Variants in NXN observed in about 807,000 individuals in gnomAD.
NXN encodes the protein nucleoredoxin 1.
In NXN, 16 loss-of-function variants were observed where a neutral mutation model predicts 48.6. That is an observed-to-expected ratio of 0.33 (90% CI 0.22 to 0.50). The LOEUF (loss-of-function observed/expected upper bound fraction) is 0.50. Among genes scored for constraint, NXN ranks in the 20% least tolerant of loss-of-function variants. The probability of loss-of-function intolerance (pLI) is 0.98; values close to 1 mark genes in which losing one functional copy is unlikely to be tolerated. For synonymous variants in NXN, 281 were observed against 269.6 expected (o/e 1.04, Z -0.41); for missense variants, 492 against 605.5 (o/e 0.81, Z 1.97).
Position 876,234 on chromosome 17 carries a change from A to G in NXN, c.361-50156T>C, listed in dbSNP as rs543578725. Among the ~76,000 whole-genome samples, 4 of 145,968 alleles carry G rather than the reference A, an allele frequency of 2.7e-5. No individual in the cohort carries two copies. The South Asian group carries it at 9.4e-4, about 34-fold the overall frequency. ...AAAAGAAAAGAGAAAGAAAGAAAGA[A>G]AGGAGAAGAGAAGAGAAGAAAAGAA... On this transcript the variant is annotated intron_variant, in intron 1 of 7. Coordinates refer to ENST00000336868, the MANE Select transcript of NXN (RefSeq NM_022463.5).
At chr17:801,354 T>C (rs1487596579) in intron 7 of NXN, among the ~76,000 whole-genome samples, 1 of 151,904 alleles carries the variant, frequency 6.6e-6, no homozygotes, top group Admixed American at 6.6e-5. Flanking sequence ...TGCAAACCAC[T>C]AGGTAAGTCG....
At chr17:839,540 G>T (rs1323752510) in intron 1 of NXN, among the ~76,000 whole-genome samples, 1 of 151,938 alleles carries the variant, frequency 6.6e-6, no homozygotes, top group African/African-American at 2.4e-5. Context: ...GGTATGCACG[G>T]CAGCTCACGC....
At position 816,023 on chromosome 17, in the gene NXN, T is replaced by C. The variant is rs73975542; in HGVS notation, c.820+3416A>G. Among the ~76,000 whole-genome samples the C allele has an allele frequency of 7.9e-3, 1,199 of 152,186 alleles. 16 individuals are homozygous for C. The highest frequency in any genetic ancestry group is 0.028 in the African/African-American group (1,144 of 41,528). On this transcript the variant is annotated intron_variant, in intron 5 of 7. Coordinates refer to ENST00000336868, the MANE Select transcript of NXN (RefSeq NM_022463.5). The stretch of plus-strand genomic sequence containing the variant: ...AGAAGAAACCCAGGATATCTCTGTA[T>C]GGAGAAAGGATGGAAAATCCACAGC...
chr17:939,403 T>A (rs926792174), intron 1 of NXN, among the ~76,000 whole-genome samples: 1 of 149,962 alleles, frequency 6.7e-6, no homozygotes, highest in South Asian at 2.1e-4. Flanking sequence ...TGGAGTGCAG[T>A]GGCACCATCT....
intron 1 of NXN, among the ~76,000 whole-genome samples, 191 bp from the exon 2 acceptor site, chr17:826,269 C>T (rs1335506877): frequency 6.6e-6 from 1 of 152,088 alleles, no homozygotes; most frequent in Non-Finnish European, 1.5e-5. Context: ...CCCCCGGGGT[C>T]TGTGACAGTG....
intron 1 of NXN, among the ~76,000 whole-genome samples, chr17:915,596 A>C (rs1271575498): frequency 6.6e-6 from 1 of 152,168 alleles, no homozygotes; most frequent in Non-Finnish European, 1.5e-5. Context: ...CTAGGAAATT[A>C]TTTCTAAGAA....
At position 932,400 on chromosome 17, in the gene NXN, TG is replaced by T. The variant is rs2068864035; in HGVS notation, c.360+46918del. On this transcript the variant is annotated intron_variant, in intron 1 of 7. Coordinates refer to ENST00000336868, the MANE Select transcript of NXN (RefSeq NM_022463.5). The surrounding 1 kb of genome is among the most constrained non-coding windows in gnomAD (Gnocchi z 4.1). ...ACCTACCAAGTCAAGAACTCTGGGA[TG>T]GGGCCCAGGAATCCGCATTTAACCA... Among the ~76,000 whole-genome samples the T allele has an allele frequency of 6.6e-6, 1 of 152,158 alleles. No individual in the cohort carries two copies. Among genetic ancestry groups the T allele is most frequent in the African/African-American group, 2.4e-5 (1 of 41,446 alleles).
At position 825,487 on chromosome 17, in the gene NXN, C is replaced by T. The variant is rs972903972; in HGVS notation, c.478+474G>A. 1 of 162,504 alleles carries T rather than the reference C, an allele frequency of 6.2e-6. No homozygotes were observed. Among genetic ancestry groups the T allele is most frequent in the Non-Finnish European group, 1.4e-5 (1 of 73,598 alleles). The allele number at this position is 162,504 out of a possible 1,614,324, so 10.1% of individuals were successfully genotyped here. ...ACGCGTAGCCAGCAAGACCAAGGCC[C>T]GCAGGGAGTGACAGCTCCAAGCAAC... is the stretch of plus-strand genomic sequence containing the variant. On this transcript the variant is annotated intron_variant, in intron 2 of 7. Transcript: ENST00000336868. This position sits in a 1 kb window ranked among gnomAD's most constrained non-coding sequence, Gnocchi z 4.1.
Position 920,531 on chromosome 17 carries a change from C to T in NXN, c.360+58788G>A, listed in dbSNP as rs1165192572. ...TCACCAGCTCACTCCAGCTCTGCAG[C>T]GTTCTCCCAGGCTCTCAACCCTCGA... On this transcript the variant is annotated intron_variant, in intron 1 of 7. Transcript: ENST00000336868. This position sits in a 1 kb window ranked among gnomAD's most constrained non-coding sequence, Gnocchi z 4.6. 5.2e-4 allele frequency among the ~76,000 whole-genome samples: 79 copies of T among 152,072 alleles called. No individual in the cohort carries two copies. Among genetic ancestry groups the T allele is most frequent in the Admixed American group, 1.8e-3 (28 of 15,252 alleles).
At chr17:852,896 A>G (rs2067939878) in intron 1 of NXN, among the ~76,000 whole-genome samples, 1 of 152,164 alleles carries the variant, frequency 6.6e-6, no homozygotes. Context: ...GACACCTCAG[A>G]GTCCCAGGGA....
intron 1 of NXN, among the ~76,000 whole-genome samples, chr17:843,281 C>T (rs1411542779): frequency 6.6e-6 from 1 of 152,246 alleles, no homozygotes; most frequent in Non-Finnish European, 1.5e-5. Context: ...ATCTGTAACA[C>T]CAATTAAGGA....
chr17:859,710 C>G (rs918605360), intron 1 of NXN, among the ~76,000 whole-genome samples: 16 of 152,186 alleles, frequency 1.1e-4, no homozygotes, highest in Non-Finnish European at 1.6e-4. Flanking sequence ...TCCCATCAAA[C>G]GCGATTCAAT....
At position 825,724 on chromosome 17, in the gene NXN, C is replaced by T. The variant is rs1474554511; in HGVS notation, c.478+237G>A. ...CGGAGCTTCTTACGGCAGAGTCCAT[C>T]TCTTTTGGCCCATGAATTAAAGCCC... On this transcript the variant is annotated intron_variant, in intron 2 of 7. Coordinates refer to ENST00000336868, the MANE Select transcript of NXN (RefSeq NM_022463.5). This position sits in a 1 kb window ranked among gnomAD's most constrained non-coding sequence, Gnocchi z 4.1. The T allele has an allele frequency of 2.2e-6, 1 of 444,662 alleles. No homozygotes were observed. Among genetic ancestry groups the T allele is most frequent in the Non-Finnish European group, 4.0e-6 (1 of 251,102 alleles). The allele number at this position is 444,662 out of a possible 1,614,324, so 27.5% of individuals were successfully genotyped here. A position where few individuals can be genotyped will look rare whatever the true frequency, so the allele number is the denominator to read the frequency against.
chr17:934,088 A>G (rs2068880457), intron 1 of NXN, among the ~76,000 whole-genome samples: 1 of 152,164 alleles, frequency 6.6e-6, no homozygotes, highest in Admixed American at 6.5e-5. Flanking sequence ...ATACATGCAG[A>G]CTATGGGGAA....
intron 5 of NXN, among the ~76,000 whole-genome samples, chr17:805,773 G>C (rs931240453): frequency 1.4e-4 from 22 of 152,274 alleles, no homozygotes; most frequent in Admixed American, 1.3e-3. Flanking sequence ...GGGAGGTGGA[G>C]GTTGCAGTGA....
chr17:839,244 G>A (rs1914001730), intron 1 of NXN, among the ~76,000 whole-genome samples: 1 of 151,906 alleles, frequency 6.6e-6, no homozygotes. Context: ...AGACCAGTGT[G>A]GCCAACATGG....
intron 1 of NXN, among the ~76,000 whole-genome samples, chr17:854,768 A>G (rs1399154509): frequency 2.6e-5 from 4 of 151,418 alleles, no homozygotes; most frequent in Non-Finnish European, 5.9e-5. Flanking sequence ...AGACCAGCCT[A>G]GCCAACATGG....
chr17:881,787 G>C lies in NXN; in HGVS notation c.361-55709C>G, dbSNP rs77672918. ...TGGGACACTTCTCAGCAATAAGAAG[G>C]AACAAACTGATGTATACAAAAACAA... On this transcript the variant is annotated intron_variant, in intron 1 of 7. Transcript: ENST00000336868. Among the ~76,000 whole-genome samples the C allele has an allele frequency of 3.4e-3, 519 of 152,256 alleles. 2 individuals are homozygous for C. The highest frequency in any genetic ancestry group is 0.012 in the African/African-American group (488 of 41,532).
chr17:886,883 C>T (rs113386045), intron 1 of NXN, among the ~76,000 whole-genome samples: 5 of 151,998 alleles, frequency 3.3e-5, no homozygotes, highest in African/African-American at 1.2e-4. Context: ...ATTGTTTATC[C>T]TAACATTTTT....
Sources: gnomAD v4.1 joint callset for allele counts (sites outside exome capture counted in the v4.1 genomes callset) on GRCh38, gnomAD v4.1.1 for gene constraint, Gnocchi (gnomAD v3.1) non-coding constraint, MANE v1.5 for transcripts, NCBI Gene and HGNC (gene_info 2026-07-23, HGNC 2026-07-21) for gene names.